Variants in CSMD1 observed in about 807,000 individuals in gnomAD.
CSMD1 encodes CUB and Sushi multiple domains 1.
Under a neutral mutation model 417.5 loss-of-function variants are expected in CSMD1, and 213 were observed. That is an observed-to-expected ratio of 0.51 (90% CI 0.46 to 0.57). The LOEUF (loss-of-function observed/expected upper bound fraction) is 0.57, where lower values mean the gene tolerates loss of function less well. Ranked by LOEUF, CSMD1 falls within the 20% of genes least tolerant of loss-of-function variation. The pLI, the probability that CSMD1 is intolerant of heterozygous loss-of-function variation, is 0.00. For missense variants in CSMD1, 6,923 were observed against 4,529.7 expected, an observed-to-expected ratio of 1.53 and a Z score of -15.17; for synonymous variants, 2,862 against 1,736.8, an observed-to-expected ratio of 1.65 and a Z score of -16.11.
chr8:3,526,996 T>C (rs1252330582), intron 10 of CSMD1, among the ~76,000 whole-genome samples: 1 of 152,008 alleles, frequency 6.6e-6, no homozygotes, highest in Non-Finnish European at 1.5e-5. Context: ...GCTATATCCT[T>C]TTCTGGTTGC....
chr8:4,851,188 T>C (rs114474199), intron 1 of CSMD1, among the ~76,000 whole-genome samples: 31,065 of 146,844 alleles, frequency 0.21, 4,006 homozygotes, highest in Non-Finnish European at 0.3. Flanking sequence ...TGAGTGAAAA[T>C]ATGCAGTGTT....
intron 54 of CSMD1, among the ~76,000 whole-genome samples, chr8:2,988,779 G>C (rs1215646287): frequency 1.3e-5 from 2 of 152,142 alleles, no homozygotes; most frequent in Non-Finnish European, 2.9e-5. Flanking sequence ...TCCTAAATCT[G>C]AGTTTTCTAA....
intron 3 of CSMD1, among the ~76,000 whole-genome samples, chr8:4,393,666 T>G (rs534812054): frequency 6.6e-6 from 1 of 152,284 alleles, no homozygotes; most frequent in East Asian, 1.9e-4. Context: ...CCAGTCACCT[T>G]CACACTCCTA....
chr8:3,783,866 G>A (rs774695047), intron 5 of CSMD1, among the ~76,000 whole-genome samples: 1 of 152,132 alleles, frequency 6.6e-6, no homozygotes, highest in African/African-American at 2.4e-5. Context: ...TTCACCTCAG[G>A]AGCACATGAA....
chr8:4,010,844 A>G (rs973359963), intron 4 of CSMD1, among the ~76,000 whole-genome samples: 1 of 152,192 alleles, frequency 6.6e-6, no homozygotes, highest in South Asian at 2.1e-4. Context: ...GTCCACTTTT[A>G]TATCCTTGCA....
At chr8:3,742,740 A>G (rs1162437157) in intron 6 of CSMD1, among the ~76,000 whole-genome samples, 2 of 151,772 alleles carry the variant, frequency 1.3e-5, no homozygotes, top group Non-Finnish European at 2.9e-5. Flanking sequence ...GAGAGAGAAG[A>G]AAAAAAACAA....
intron 3 of CSMD1, among the ~76,000 whole-genome samples, chr8:4,305,297 C>T (rs1798186616): frequency 6.6e-6 from 1 of 152,112 alleles, no homozygotes; most frequent in South Asian, 2.1e-4. Context: ...CAGCCTCCCG[C>T]TAGGAGAGAG....
At chr8:4,442,603 A>T (rs923232752) in intron 2 of CSMD1, among the ~76,000 whole-genome samples, 1 of 152,216 alleles carries the variant, frequency 6.6e-6, no homozygotes, top group Non-Finnish European at 1.5e-5. Context: ...CAAATTGGCT[A>T]GAAAAACAGA....
chr8:4,516,484 C>G (rs985170056), intron 2 of CSMD1, among the ~76,000 whole-genome samples: 1 of 152,094 alleles, frequency 6.6e-6, no homozygotes, highest in Non-Finnish European at 1.5e-5. Context: ...ACGGCTGGAC[C>G]CCGGGCCCTT....
intron 23 of CSMD1, among the ~76,000 whole-genome samples, chr8:3,315,506 C>T (rs1261561312): frequency 6.6e-6 from 1 of 150,952 alleles, no homozygotes; most frequent in African/African-American, 2.4e-5. Context: ...TTTTAAGCTA[C>T]AGATGCTATT....
At chr8:3,512,475 C>T (rs1563109557) in intron 10 of CSMD1, among the ~76,000 whole-genome samples, 1 of 151,930 alleles carries the variant, frequency 6.6e-6, no homozygotes. Flanking sequence ...CCTAAGGATG[C>T]TGTAAGAGGC....
intron 5 of CSMD1, among the ~76,000 whole-genome samples, chr8:3,970,830 C>T (rs556160970): frequency 1.3e-5 from 2 of 152,152 alleles, no homozygotes; most frequent in African/African-American, 4.8e-5. Context: ...TGTCTCACTG[C>T]AACCTCCGCC....
intron 52 of CSMD1, among the ~76,000 whole-genome samples, chr8:3,008,153 G>A (rs1808095611): frequency 6.6e-6 from 1 of 152,192 alleles, no homozygotes; most frequent in Non-Finnish European, 1.5e-5. Flanking sequence ...AAGAAATAGA[G>A]TATGTCGCAA....
At chr8:4,719,352 A>G (rs1478808548) in intron 1 of CSMD1, among the ~76,000 whole-genome samples, 1 of 152,182 alleles carries the variant, frequency 6.6e-6, no homozygotes, top group East Asian at 1.9e-4. Context: ...TCACGTGCCA[A>G]TGCGCTTGAG....
chr8:4,759,520 G>A (rs752129338), intron 1 of CSMD1, among the ~76,000 whole-genome samples: 11 of 152,114 alleles, frequency 7.2e-5, no homozygotes, highest in Non-Finnish European at 1.5e-4. Context: ...TAGGTATTAA[G>A]CCCAGCATGC....
chr8:4,508,064 T>A (rs1345031734), intron 2 of CSMD1, among the ~76,000 whole-genome samples: 5 of 145,474 alleles, frequency 3.4e-5, no homozygotes, highest in Non-Finnish European at 7.5e-5. Context: ...ATCTGGAGAT[T>A]GTGAGCTATG....
At chr8:4,121,064 T>A (rs1802459420) in intron 3 of CSMD1, among the ~76,000 whole-genome samples, 1 of 152,050 alleles carries the variant, frequency 6.6e-6, no homozygotes, top group South Asian at 2.1e-4. Flanking sequence ...CTTTTCTGAC[T>A]GGGTCTGTTT....
intron 5 of CSMD1, among the ~76,000 whole-genome samples, chr8:3,826,927 C>A (rs538708672): frequency 1.1e-3 from 165 of 152,240 alleles, no homozygotes; most frequent in African/African-American, 3.8e-3. Context: ...GCTGAAACTA[C>A]AGGCATGTGC....
chr8:4,461,150 C>T (rs1473183197), intron 2 of CSMD1, among the ~76,000 whole-genome samples: 1 of 80,136 alleles, frequency 1.2e-5, no homozygotes. Flanking sequence ...ATAAAGTCAG[C>T]TGATTGTCTT....
Sources: gnomAD v4.1 joint callset for allele counts (sites outside exome capture counted in the v4.1 genomes callset) on GRCh38, gnomAD v4.1.1 for gene constraint, MANE v1.5 for transcripts, NCBI Gene and HGNC (gene_info 2026-07-23, HGNC 2026-07-21) for gene names.